SOX13: variants seen among roughly 807,000 people sequenced by gnomAD.
The protein encoded by SOX13 is SRY-box transcription factor 13.
Under a neutral mutation model 71.8 loss-of-function variants are expected in SOX13, and 28 were observed. That is an observed-to-expected ratio of 0.39 (90% CI 0.29 to 0.53). The LOEUF (loss-of-function observed/expected upper bound fraction) is 0.53. SOX13 is among the 20% of genes least tolerant of loss of function. The pLI is 0.70. For synonymous variants in SOX13, 309 were observed against 317.8 expected, an observed-to-expected ratio of 0.97 and a Z score of 0.29; for missense variants, 627 against 810.3, an observed-to-expected ratio of 0.77 and a Z score of 2.75.
At chr1:204,095,110 C>T (rs184611738) in intron 1 of SOX13, among the ~76,000 whole-genome samples, 1 of 152,330 alleles carries the variant, frequency 6.6e-6, no homozygotes, top group East Asian at 1.9e-4. Flanking sequence ...CCTTCCACGG[C>T]CCTGAGCCGT....
rs375675292 is a variant in SOX13 at position 204,121,954 on chromosome 1, C to G, written c.830C>G (p.Pro277Arg). 1.2e-6 allele frequency: 2 copies of G among 1,611,954 alleles called. No individual in the cohort carries two copies. Among genetic ancestry groups the G allele is most frequent in the Non-Finnish European group, 1.7e-6 (2 of 1,178,190 alleles). The change falls in exon 8 of 14, where the codon CCT becomes CGT. Residue 277 changes from proline to arginine, a missense_variant. By Grantham distance (103) the Pro-to-Arg change is moderately radical. Transcript: ENST00000367204. Reference sequence around the variant, plus strand: ...CCCCCTGCCCCAGTGGTGAAGAGGCCTGGGGCCATGGCCACCCACCACCCC... The same window carrying G: ...CCCCCTGCCCCAGTGGTGAAGAGGCGTGGGGCCATGGCCACCCACCACCCC... ...HSPPAPVVKR[P>R]GAMATHHPLQ...
chr1:204,102,263 T>G (rs1171924059), intron 1 of SOX13, among the ~76,000 whole-genome samples: 2 of 152,232 alleles, frequency 1.3e-5, no homozygotes, highest in Non-Finnish European at 2.9e-5. Context: ...CTAGTTGCGC[T>G]TGTCCTTTCC....
rs940985932 is a variant in SOX13 at position 204,126,054 on chromosome 1, G to A, written c.1789G>A (p.Glu597Lys). Residue 597 changes from glutamate (E) to lysine (K), a missense_variant, in exon 14 of 14, where the codon GAG becomes AAG. Physicochemically the swap from Glu to Lys is moderately conservative, Grantham distance 56 (BLOSUM62 1). This residue lies in a region of SOX13 where 148 missense variants were observed against 192.7 expected (regional missense o/e 0.77). Transcript: ENST00000367204. ...TDDRHSVADG[E>K]MYRYSEDEDS... ...TGACAGGCACTCGGTGGCTGATGGCGAGATGTACCGGTACAGCGAGGACGA... is the reference window on the plus strand; with the variant it reads ...TGACAGGCACTCGGTGGCTGATGGCAAGATGTACCGGTACAGCGAGGACGA... The A allele has an allele frequency of 4.3e-6, 7 of 1,613,870 alleles. No homozygotes were observed. In the Admixed American group the frequency reaches 5.0e-5, roughly 12 times the overall value.
At chr1:204,118,193 A>C (rs1232935353) in intron 7 of SOX13, 1 of 153,312 alleles carries the variant, frequency 6.5e-6, no homozygotes, top group Non-Finnish European at 1.5e-5. Flanking sequence ...AGACTGAGGC[A>C]GGAGAATCGC....
chr1:204,109,869 G>T (rs1189078998), intron 1 of SOX13, among the ~76,000 whole-genome samples: 2 of 151,536 alleles, frequency 1.3e-5, no homozygotes, highest in Admixed American at 1.3e-4. Flanking sequence ...TTTCGCTCTT[G>T]TTGCCCAGGC....
intron 13 of SOX13, among the ~76,000 whole-genome samples, 160 bp downstream of exon 13, chr1:204,125,017 C>T (rs963356336): frequency 3.3e-5 from 5 of 152,100 alleles, no homozygotes; most frequent in Admixed American, 1.3e-4. Flanking sequence ...TGAGCCTGCA[C>T]GTGCGACCCG....
At chr1:204,090,246 G>A (rs1219846280) in intron 1 of SOX13, among the ~76,000 whole-genome samples, 2 of 152,114 alleles carry the variant, frequency 1.3e-5, no homozygotes. Context: ...GAGAGAGGGT[G>A]TTAGGCAGGG....
chr1:204,100,354 C>T (rs1656334985), intron 1 of SOX13, among the ~76,000 whole-genome samples: 1 of 152,176 alleles, frequency 6.6e-6, no homozygotes, highest in African/African-American at 2.4e-5. Context: ...GGATCCCTTC[C>T]TGGGTTGTAT....
intron 1 of SOX13, among the ~76,000 whole-genome samples, chr1:204,096,455 C>T (rs1157205485): frequency 1.4e-4 from 21 of 150,292 alleles, no homozygotes; most frequent in African/African-American, 4.9e-5. Flanking sequence ...CTTGCTCTGT[C>T]GCCCAGGTTA....
intron 7 of SOX13, among the ~76,000 whole-genome samples, chr1:204,120,229 G>C (rs1656773725): frequency 1.3e-5 from 2 of 152,302 alleles, no homozygotes; most frequent in South Asian, 2.1e-4. Flanking sequence ...GGGGAATGGG[G>C]AGTGGAGAAG....
chr1:204,116,184 T>A (rs1052353240), intron 4 of SOX13: 34 of 1,304,556 alleles, frequency 2.6e-5, no homozygotes, highest in Non-Finnish European at 3.4e-5. Context: ...TTGTCCACCC[T>A]GACCCTGTGT....
intron 4 of SOX13, among the ~76,000 whole-genome samples, chr1:204,115,492 T>TA (rs71145062): frequency 0.17 from 8,682 of 50,372 alleles, 772 homozygotes; most frequent in East Asian, 0.21. Context: ...TTTTTTTTTT[T>TA]AAAAAAAAAA....
At chr1:204,117,422 A>G (rs575502118) in intron 6 of SOX13, among the ~76,000 whole-genome samples, 171 bp from the exon 7 acceptor site, 62 of 152,326 alleles carry the variant, frequency 4.1e-4, no homozygotes, top group African/African-American at 1.9e-4. Context: ...GAGGGCAGGT[A>G]GACAGGGGCC....
At chr1:204,116,704 C>G in intron 5 of SOX13, 25 bp downstream of exon 5, 1 of 1,610,154 alleles carries the variant, frequency 6.2e-7, no homozygotes, top group East Asian at 2.2e-5. Flanking sequence ...GTGGGTGTAG[C>G]TTTCTTTCCA....
chr1:204,123,663 T>A lies in SOX13; in HGVS notation c.1234T>A (p.Ser412Thr). The A allele has an allele frequency of 6.2e-7, 1 of 1,611,348 alleles. No individual in the cohort carries two copies. The highest frequency in any genetic ancestry group is 8.5e-7 in the Non-Finnish European group (1 of 1,178,972). ...EAMLSCDMDG[S>T]RHFPESRNSS... ...CTGACTTCACTCCTGTCTCCCAGGCTCCCGCCACTTCCCCGAGTCCCGAAA... is the reference window on the plus strand; with the variant it reads ...CTGACTTCACTCCTGTCTCCCAGGCACCCGCCACTTCCCCGAGTCCCGAAA... Residue 412 changes from serine (S) to threonine (T), a missense_variant and splice_region_variant, in exon 12 of 14, where the codon TCC becomes ACC. By Grantham distance (58) the Ser-to-Thr change is moderately conservative. Coordinates refer to ENST00000367204, the MANE Select transcript of SOX13 (RefSeq NM_005686.3). The surrounding 1 kb of genome is among the most constrained non-coding windows in gnomAD (Gnocchi z 5.0).
At chr1:204,086,633 A>G (rs1656027501) in intron 1 of SOX13, among the ~76,000 whole-genome samples, 1 of 152,160 alleles carries the variant, frequency 6.6e-6, no homozygotes, top group Admixed American at 6.5e-5. Flanking sequence ...AGGATAGTTT[A>G]GTGACAACAT....
intron 1 of SOX13, among the ~76,000 whole-genome samples, chr1:204,075,403 C>T (rs753052787): frequency 4.6e-5 from 7 of 152,254 alleles, no homozygotes; most frequent in Non-Finnish European, 1.0e-4. Flanking sequence ...TGAGGCTGAC[C>T]CCTGTTTCCA....
chr1:204,103,402 G>C (rs1036354774), intron 1 of SOX13, among the ~76,000 whole-genome samples: 19 of 152,370 alleles, frequency 1.2e-4, no homozygotes, highest in African/African-American at 4.1e-4. Context: ...TTAGACATCA[G>C]CGAGGCCTGA....
intron 1 of SOX13, among the ~76,000 whole-genome samples, chr1:204,096,226 TTTTC>T (rs1656247727): frequency 7.1e-6 from 1 of 140,120 alleles, no homozygotes. Flanking sequence ...TTTCTTTTCT[TTTTC>T]TTTCTTTCGT....
Sources: allele counts gnomAD v4.1 joint callset (sites outside exome capture counted in the v4.1 genomes callset), GRCh38; gene constraint gnomAD v4.1.1; regional missense constraint gnomAD v4.1.1; non-coding constraint Gnocchi (gnomAD v3.1); transcripts MANE v1.5; gene names NCBI Gene and HGNC (gene_info 2026-07-23, HGNC 2026-07-21).